The following AP1M2 variants were observed in gnomAD, a reference collection of about 807,000 sequenced individuals.
The protein encoded by AP1M2 is adaptor related protein complex 1 subunit mu 2, also known as AP-1 complex subunit mu-2.
AP1M2 carries 41 observed loss-of-function variants against 54.6 expected under a neutral mutation model. The observed-to-expected ratio is 0.75, with a 90% confidence interval of 0.59 to 0.97. AP1M2 has a LOEUF of 0.97. Ranked by LOEUF, AP1M2 falls within the 50% of genes least tolerant of loss-of-function variation. The pLI is 0.00. For synonymous variants in AP1M2, 219 were observed against 215.9 expected (o/e 1.01, Z -0.13); for missense variants, 507 against 561.2 (o/e 0.90, Z 0.98).
At chr19:10,579,192 G>A (rs1033816449) in intron 7 of AP1M2, among the ~76,000 whole-genome samples, 1 of 151,782 alleles carries the variant, frequency 6.6e-6, no homozygotes, top group African/African-American at 2.4e-5. Context: ...CAAGGTGGGC[G>A]GATCACGAGG....
Position 10,579,764 on chromosome 19 carries a change from G to C in AP1M2, c.768C>G (p.Ile256Met). The C allele has an allele frequency of 1.9e-6, 3 of 1,613,948 alleles. No individual in the cohort carries two copies. Among genetic ancestry groups the C allele is most frequent in the Non-Finnish European group, 2.5e-6 (3 of 1,179,922 alleles). ...RFDNDRTISF[I>M]PPDGDFELMS... ...TGAGCTCAAAGTCACCATCAGGCGG[G>C]ATGAAGGAGATGGTGCGGTCGTTGT... Residue 256 changes from isoleucine (I) to methionine (M), a missense_variant, in exon 7 of 12, where the codon ATC (isoleucine) becomes ATG (methionine). Physicochemically the swap from Ile to Met is conservative, Grantham distance 10. Transcript: ENST00000250244.
chr19:10,577,103 T>C, intron 9 of AP1M2, 95 bp downstream of exon 9: 1 of 1,392,838 alleles, frequency 7.2e-7, no homozygotes, highest in Non-Finnish European at 9.9e-7. Context: ...GGGTCTCTGA[T>C]TTGTTCTCTG....
At chr19:10,577,894 G>A (rs551126174) in intron 8 of AP1M2, among the ~76,000 whole-genome samples, 19 of 152,042 alleles carry the variant, frequency 1.2e-4, no homozygotes, top group African/African-American at 4.3e-4. Context: ...GTGCCACCAC[G>A]CCCTGCTAAT....
chr19:10,579,009 T>C (rs761820321), intron 7 of AP1M2, 46 bp from the exon 8 acceptor site: 8 of 1,062,228 alleles, frequency 7.5e-6, no homozygotes, highest in Admixed American at 5.4e-5. Context: ...CCATGTTGAC[T>C]CTCTTCTTTT....
chr19:10,583,991 TC>T lies in AP1M2; in HGVS notation c.121del (p.Glu41ArgfsTer10), dbSNP rs1367597079. On this transcript the variant is annotated frameshift_variant, in exon 2 of 12. Coordinates refer to ENST00000250244, the MANE Select transcript of AP1M2 (RefSeq NM_005498.5). LOFTEE classifies it high-confidence loss of function. ...EHFMPLLVQR[E>X]EEGALAPLLS... ...CAGCGGGGCCAGGGCGCCTTCCTCCTCCCGCTGTACCAGCAAAGGCATGAAG... is the reference window on the plus strand; with the variant it reads ...CAGCGGGGCCAGGGCGCCTTCCTCCTCCGCTGTACCAGCAAAGGCATGAAG... 6.2e-7 allele frequency: 1 copy of T among 1,607,518 alleles called. No homozygotes were observed.
intron 1 of AP1M2, among the ~76,000 whole-genome samples, chr19:10,585,463 CTAAGG>C: frequency 6.6e-6 from 1 of 152,098 alleles, no homozygotes; most frequent in African/African-American, 2.4e-5. Context: ...CTTTGGGAGG[CTAAGG>C]CGGGTGGATC....
chr19:10,587,223 G>A lies in AP1M2; in HGVS notation c.9C>T (p.Ala3=). The change falls in exon 1 of 12, where the codon GCC becomes GCT. Residue 3 remains alanine (A), a synonymous_variant. Transcript: ENST00000250244. MS[A]SAVFILDVKG... is the part of the protein sequence containing the mutation. The stretch of plus-strand genomic sequence containing the variant: ...TAACGTCCAGAATGAAGACAGCCGA[G>A]GCGGACATGGTGGCGGCCGAAGGAC... 1 of 1,564,002 alleles carries A rather than the reference G, an allele frequency of 6.4e-7. No homozygotes were observed. Among genetic ancestry groups the A allele is most frequent in the Non-Finnish European group, 8.7e-7 (1 of 1,154,362 alleles).
At position 10,574,940 on chromosome 19, in the gene AP1M2, C is replaced by T. The variant is rs1917177966; in HGVS notation, c.1137G>A (p.Lys379=). ...EVEGRPPIGV[K]FEIPYFTVSG... is the part of the protein sequence containing the mutation. ...AGACGGTGAAGTAGGGGATCTCAAA[C>T]TTGACCCCGATGGGGGGCCGGCCCT... is the stretch of plus-strand genomic sequence containing the variant. The change falls in exon 10 of 12, where the codon AAG becomes AAA. Residue 379 remains lysine, a synonymous_variant. Transcript: ENST00000250244. The T allele has an allele frequency of 6.2e-7, 1 of 1,601,442 alleles. No homozygotes were observed. The highest frequency in any genetic ancestry group is 8.5e-7 in the Non-Finnish European group (1 of 1,172,892).
chr19:10,580,264 T>G (rs1917395601), intron 6 of AP1M2, among the ~76,000 whole-genome samples: 1 of 151,540 alleles, frequency 6.6e-6, no homozygotes, highest in Non-Finnish European at 1.5e-5. Context: ...TTGGTCAGGC[T>G]GGTCTCAAAT....
intron 1 of AP1M2, among the ~76,000 whole-genome samples, chr19:10,585,283 A>G (rs2023335): frequency 0.65 from 67,339 of 104,142 alleles, 21,242 homozygotes; most frequent in Admixed American, 0.69. Flanking sequence ...AAAGAAGAAA[A>G]AAAGAAAGAA....
intron 3 of AP1M2, 117 bp from the exon 4 acceptor site, chr19:10,581,995 T>G (rs1369746646): frequency 3.3e-6 from 4 of 1,203,080 alleles, no homozygotes; most frequent in African/African-American, 1.5e-5. Flanking sequence ...CTTAAGGTCA[T>G]GAGTTCAAGA....
chr19:10,574,675 G>A (rs1917166683), intron 10 of AP1M2, among the ~76,000 whole-genome samples, 183 bp from the exon 11 acceptor site: 1 of 152,146 alleles, frequency 6.6e-6, no homozygotes, highest in Non-Finnish European at 1.5e-5. Context: ...TTTGGAGGTG[G>A]AGAAGGGACA....
intron 9 of AP1M2, among the ~76,000 whole-genome samples, chr19:10,575,868 G>A (rs758210926): frequency 6.9e-5 from 10 of 144,622 alleles, no homozygotes; most frequent in Non-Finnish European, 1.5e-4. Context: ...CCAGGTTCAC[G>A]CCATTCTCCT....
intron 3 of AP1M2, among the ~76,000 whole-genome samples, chr19:10,583,248 G>C (rs1917522144): frequency 1.3e-5 from 2 of 152,018 alleles, no homozygotes; most frequent in Admixed American, 1.3e-4. Context: ...TATGCTCTCT[G>C]AGACATTCTT....
At position 10,581,894 on chromosome 19, in the gene AP1M2, G is replaced by A. The variant is rs986409760; in HGVS notation, c.268-16C>T. The A allele has an allele frequency of 6.3e-7, 1 of 1,575,014 alleles. No homozygotes were observed. Among genetic ancestry groups the A allele is most frequent in the South Asian group, 1.2e-5 (1 of 86,434 alleles). ...CGCAGAATACCTGGGGGTTGGAGGA[G>A]AGAGAGACCCACAAAAGTGTGGCTA... On this transcript the variant is annotated splice_polypyrimidine_tract_variant and intron_variant, in intron 3 of 11. Transcript: ENST00000250244.
At chr19:10,578,164 GCAAATGCCTTAA>G (rs1269173918) in intron 8 of AP1M2, among the ~76,000 whole-genome samples, 1 of 152,172 alleles carries the variant, frequency 6.6e-6, no homozygotes, top group African/African-American at 2.4e-5. Flanking sequence ...GTATCTGCAG[GCAAATGCCTTAA>G]CTTCTGTGTG....
chr19:10,584,282 A>G (rs1006307213), intron 1 of AP1M2, among the ~76,000 whole-genome samples: 2 of 152,168 alleles, frequency 1.3e-5, no homozygotes, highest in African/African-American at 2.4e-5. Flanking sequence ...GCTGTGTTTT[A>G]TTAAAGGGTA....
At chr19:10,585,294 A>AGAAGGAAGGAAGGAAG (rs1555753877) in intron 1 of AP1M2, among the ~76,000 whole-genome samples, 12 of 115,064 alleles carry the variant, frequency 1.0e-4, no homozygotes, top group South Asian at 2.7e-4. Flanking sequence ...AAAGAAAGAA[A>AGAAGGAAGGAAGGAAG]GAAAGAAAGA....
At position 10,581,800 on chromosome 19, in the gene AP1M2, C is replaced by T. The variant is rs1257700973; in HGVS notation, c.346G>A (p.Glu116Lys). The T allele has an allele frequency of 2.5e-6, 4 of 1,613,916 alleles. No individual in the cohort carries two copies. The highest frequency in any genetic ancestry group is 2.7e-5 in the African/African-American group (2 of 74,904). ...TGCGGGAAGCCAAAGTCCATGAGCT[C>T]GTCCAGCAACTCGTAGACGATGACA... ...NFVIVYELLDELMDFGFPQTT... is the reference protein window; with the variant it reads ...NFVIVYELLDKLMDFGFPQTT... The change falls in exon 4 of 12, where the codon GAG becomes AAG. Residue 116 changes from glutamate to lysine, a missense_variant. Coordinates refer to ENST00000250244, the MANE Select transcript of AP1M2 (RefSeq NM_005498.5).
Sources: allele counts gnomAD v4.1 joint callset (sites outside exome capture counted in the v4.1 genomes callset), GRCh38; gene constraint gnomAD v4.1.1; transcripts MANE v1.5; gene names NCBI Gene and HGNC (gene_info 2026-07-23, HGNC 2026-07-21).